LUC7L: variants seen among roughly 807,000 people sequenced by gnomAD.
The protein encoded by LUC7L is putative RNA-binding protein Luc7-like 1.
In LUC7L, 29 loss-of-function variants were observed where a neutral mutation model predicts 51.1. That is an observed-to-expected ratio of 0.57 (90% confidence interval 0.42 to 0.77). LUC7L has a LOEUF of 0.77. LUC7L is among the 30% of genes least tolerant of loss of function. LUC7L has a pLI of 0.00. For missense variants in LUC7L, 403 were observed against 511.9 expected (o/e 0.79, Z 2.05); for synonymous variants, 181 against 180.7 (o/e 1.00, Z -0.01).
At chr16:191,618 A>G (rs7201486) in intron 7 of LUC7L, among the ~76,000 whole-genome samples, 93,011 of 152,134 alleles carry the variant, frequency 0.61, 28,924 homozygotes, top group African/African-American at 0.69. Context: ...AGGCTGAGGC[A>G]GGCAGATCAT....
intron 3 of LUC7L, among the ~76,000 whole-genome samples, chr16:216,382 T>TG (rs1555456008): frequency 2.0e-5 from 1 of 48,792 alleles, no homozygotes; most frequent in Admixed American, 2.0e-4. Context: ...AAATAGTTGT[T>TG]TTTTTTTTTT....
chr16:198,635 A>T (rs934396614), intron 6 of LUC7L, among the ~76,000 whole-genome samples: 3 of 152,178 alleles, frequency 2.0e-5, no homozygotes. Context: ...CCAAGTGATG[A>T]AATCTGCGTA....
intron 9 of LUC7L, chr16:189,592 C>T: frequency 2.2e-6 from 3 of 1,352,722 alleles, no homozygotes; most frequent in Non-Finnish European, 2.8e-6. Context: ...GAGAATACAA[C>T]ACTATATGCA....
intron 3 of LUC7L, among the ~76,000 whole-genome samples, chr16:210,205 T>C (rs1408324857): frequency 6.6e-6 from 1 of 152,108 alleles, no homozygotes; most frequent in East Asian, 1.9e-4. Context: ...GAGAACTGCT[T>C]GAACCTGGGA....
chr16:189,698 T>TC, intron 9 of LUC7L: 1 of 1,350,070 alleles, frequency 7.4e-7, no homozygotes, highest in East Asian at 2.6e-5. Flanking sequence ...GACACAAGTC[T>TC]CAGCCACTCT....
At chr16:211,855 G>A (rs2049649904) in intron 3 of LUC7L, among the ~76,000 whole-genome samples, 1 of 152,204 alleles carries the variant, frequency 6.6e-6, no homozygotes, top group African/African-American at 2.4e-5. Context: ...ACTGCCTGGT[G>A]CTGTTACCAG....
intron 3 of LUC7L, among the ~76,000 whole-genome samples, chr16:211,571 G>GT (rs1266987930): frequency 6.6e-6 from 1 of 152,136 alleles, no homozygotes; most frequent in Non-Finnish European, 1.5e-5. Flanking sequence ...CCTTCAAAGT[G>GT]TTTCTCAACT....
intron 1 of LUC7L, chr16:228,597 G>A (rs1292185343): frequency 2.5e-6 from 3 of 1,189,782 alleles, no homozygotes; most frequent in Non-Finnish European, 3.2e-6. Flanking sequence ...CAGCAGAAAA[G>A]AAAACACAAA....
chr16:207,800 G>A (rs1318262186), intron 4 of LUC7L, among the ~76,000 whole-genome samples: 1 of 152,182 alleles, frequency 6.6e-6, no homozygotes, highest in Non-Finnish European at 1.5e-5. Flanking sequence ...ACGAGGTCAG[G>A]AGATCAAGAC....
At chr16:213,930 G>C (rs2049715441) in intron 3 of LUC7L, among the ~76,000 whole-genome samples, 1 of 151,490 alleles carries the variant, frequency 6.6e-6, no homozygotes, top group South Asian at 2.1e-4. Flanking sequence ...TGGCCAGGAA[G>C]GTCTCCATCT....
At chr16:210,636 C>T (rs371007991) in intron 3 of LUC7L, among the ~76,000 whole-genome samples, 7 of 152,144 alleles carry the variant, frequency 4.6e-5, no homozygotes, top group African/African-American at 1.7e-4. Context: ...GGGATTCACT[C>T]GAGGGGTCAA....
intron 7 of LUC7L, among the ~76,000 whole-genome samples, chr16:191,606 G>T (rs1252299914): frequency 1.3e-5 from 2 of 152,184 alleles, no homozygotes; most frequent in Non-Finnish European, 2.9e-5. Context: ...CAGCACTCTG[G>T]GAGGCTGAGG....
intron 2 of LUC7L, among the ~76,000 whole-genome samples, chr16:225,252 C>T (rs539900435): frequency 6.6e-6 from 1 of 152,074 alleles, no homozygotes; most frequent in Non-Finnish European, 1.5e-5. Flanking sequence ...CTTTGGGAGG[C>T]CAAGGTGGGT....
intron 2 of LUC7L, among the ~76,000 whole-genome samples, chr16:224,408 A>G (rs1202322985): frequency 1.3e-5 from 2 of 151,706 alleles, no homozygotes; most frequent in African/African-American, 4.8e-5. Context: ...AATCCCAGCT[A>G]CTCGGGAGGC....
At chr16:228,999 G>C in intron 1 of LUC7L, 1 of 1,437,394 alleles carries the variant, frequency 7.0e-7, no homozygotes, top group South Asian at 1.3e-5. Context: ...GAGCCGCGGC[G>C]CCCGCCGGGG....
At chr16:212,499 A>C (rs928637315) in intron 3 of LUC7L, among the ~76,000 whole-genome samples, 3 of 152,142 alleles carry the variant, frequency 2.0e-5, no homozygotes, top group Non-Finnish European at 4.4e-5. Flanking sequence ...AGGTGAAATA[A>C]CTTGCCCAGG....
At chr16:214,735 C>T (rs1262292392) in intron 3 of LUC7L, among the ~76,000 whole-genome samples, 1 of 152,088 alleles carries the variant, frequency 6.6e-6, no homozygotes, top group Non-Finnish European at 1.5e-5. Context: ...TGTCATCTTG[C>T]CCAGGCTAGT....
chr16:194,261 T>C (rs2049093366), intron 6 of LUC7L, among the ~76,000 whole-genome samples: 1 of 152,190 alleles, frequency 6.6e-6, no homozygotes, highest in Non-Finnish European at 1.5e-5. Context: ...TGTGCCACCA[T>C]GGCAGACTAA....
At chr16:216,378 TTG>T (rs1200686856) in intron 3 of LUC7L, among the ~76,000 whole-genome samples, 4 of 137,240 alleles carry the variant, frequency 2.9e-5, no homozygotes, top group Non-Finnish European at 4.6e-5. Context: ...TATCAAATAG[TTG>T]TTTTTTTTTT....
Sources: gnomAD v4.1 joint callset for allele counts (sites outside exome capture counted in the v4.1 genomes callset) on GRCh38, gnomAD v4.1.1 for gene constraint, MANE v1.5 for transcripts, NCBI Gene and HGNC (gene_info 2026-07-23, HGNC 2026-07-21) for gene names.